MCPH1: variants seen among roughly 807,000 people sequenced by gnomAD.
MCPH1 encodes the protein microcephalin.
A neutral mutation model predicts 84.5 loss-of-function variants in MCPH1; 104 were observed. That is an observed-to-expected ratio of 1.23 (90% CI 1.05 to 1.45). The LOEUF (loss-of-function observed/expected upper bound fraction) is 1.45. MCPH1 is among the 40% of genes most tolerant of loss of function. The pLI is 0.00. For missense variants in MCPH1, 1,498 were observed against 1,005.7 expected, an observed-to-expected ratio of 1.49 and a Z score of -6.62; for synonymous variants, 514 against 366.8, an observed-to-expected ratio of 1.40 and a Z score of -4.58.
chr8:6,416,972 C>T (rs2440435), intron 3 of MCPH1, among the ~76,000 whole-genome samples: 147,577 of 151,708 alleles, frequency 0.97, 71,902 homozygotes, highest in East Asian at 1. Flanking sequence ...TTAGCCTGGG[C>T]GACAAGAGCG....
intron 12 of MCPH1, among the ~76,000 whole-genome samples, chr8:6,532,932 T>C (rs866204176): frequency 2.0e-5 from 3 of 152,308 alleles, no homozygotes; most frequent in African/African-American, 7.2e-5. Flanking sequence ...ACTTTTGGTT[T>C]CTCCACATAG....
intron 12 of MCPH1, among the ~76,000 whole-genome samples, chr8:6,619,829 C>A (rs996714268): frequency 2.0e-5 from 3 of 152,006 alleles, no homozygotes; most frequent in African/African-American, 7.3e-5. Flanking sequence ...TGTGACCTGC[C>A]CGCCTCAGCC....
chr8:6,561,737 G>A (rs78261552), intron 12 of MCPH1, among the ~76,000 whole-genome samples: 8,755 of 152,206 alleles, frequency 0.058, 739 homozygotes, highest in African/African-American at 0.18. Context: ...GAAAATTCCA[G>A]GTTCGTTTTG....
At position 6,621,839 on chromosome 8, in the gene MCPH1, C is replaced by G. The variant is rs890223; in HGVS notation, c.2452+148C>G. 10,572 of 1,048,600 alleles carry G rather than the reference C, an allele frequency of 0.01. 718 individuals carry two copies. In the African/African-American group the frequency reaches 0.15, roughly 14 times the overall value. The allele number at this position is 1,048,600 out of a possible 1,614,324, so 65.0% of individuals were successfully genotyped here. A position where few individuals can be genotyped will look rare whatever the true frequency, so the allele number is the denominator to read the frequency against. ...CCTCCAGCATCTGCCCTGGCAGCGT[C>G]GTGTGGTCACCCTCGGCATTCCCGC... is the stretch of plus-strand genomic sequence containing the variant. On this transcript the variant is annotated intron_variant, in intron 13 of 13. Transcript: ENST00000344683.
intron 1 of MCPH1, among the ~76,000 whole-genome samples, chr8:6,409,073 G>C (rs908710045): frequency 1.3e-5 from 2 of 152,054 alleles, no homozygotes; most frequent in Non-Finnish European, 2.9e-5. Flanking sequence ...TTTTAGTAGA[G>C]ATGGTTTTTC....
chr8:6,422,427 G>A (rs1800344635), intron 3 of MCPH1, among the ~76,000 whole-genome samples: 1 of 152,192 alleles, frequency 6.6e-6, no homozygotes, highest in South Asian at 2.1e-4. Flanking sequence ...TGAAGTAAAT[G>A]GAGATGCATG....
chr8:6,596,412 T>C (rs145357087), intron 12 of MCPH1, among the ~76,000 whole-genome samples: 86 of 152,308 alleles, frequency 5.6e-4, no homozygotes, highest in African/African-American at 2.0e-3. Flanking sequence ...AAGGAATTTT[T>C]CTGCTAAGGG....
rs1220399973 is a variant in MCPH1, at chr8:6,444,962, G to A, written c.1240G>A (p.Asp414Asn). 1.9e-6 allele frequency: 3 copies of A among 1,614,184 alleles called. No homozygotes were observed. Among genetic ancestry groups the A allele is most frequent in the African/African-American group, 2.7e-5 (2 of 75,042 alleles). The change falls in exon 8 of 14, where the codon GAC becomes AAC. Residue 414 changes from aspartate (D) to asparagine (N), a missense_variant. Asp to Asn is a conservative substitution (Grantham distance 23). Coordinates refer to ENST00000344683, the MANE Select transcript of MCPH1 (RefSeq NM_024596.5). ...TAGCTGTGGGGAGTCTTCATATGAT[G>A]ACTATTTTTCACCTGATAATCTTAA... ...ALSCGESSYD[D>N]YFSPDNLKER...
chr8:6,607,224 T>C (rs1014731874), intron 12 of MCPH1, among the ~76,000 whole-genome samples: 2 of 152,184 alleles, frequency 1.3e-5, no homozygotes, highest in African/African-American at 2.4e-5. Context: ...GGAACATCCT[T>C]GTCTCTGAAG....
At chr8:6,437,038 TC>T (rs1431001873) in intron 5 of MCPH1, among the ~76,000 whole-genome samples, 1 of 152,194 alleles carries the variant, frequency 6.6e-6, no homozygotes, top group African/African-American at 2.4e-5. Flanking sequence ...TTTGCCTTTT[TC>T]ACTGTCGTCT....
chr8:6,503,687 A>AT (rs1327714781), intron 12 of MCPH1, among the ~76,000 whole-genome samples: 2 of 152,130 alleles, frequency 1.3e-5, no homozygotes, highest in Non-Finnish European at 2.9e-5. Flanking sequence ...CTATTAAATG[A>AT]TTTTTTCGGT....
chr8:6,498,718 T>C (rs1975616), intron 11 of MCPH1, among the ~76,000 whole-genome samples: 51,612 of 152,008 alleles, frequency 0.34, 9,118 homozygotes, highest in Middle Eastern at 0.47. Context: ...TGAAATGAAC[T>C]TGATTTTAAC....
chr8:6,518,597 A>T (rs1431204754), intron 12 of MCPH1, among the ~76,000 whole-genome samples: 5 of 152,162 alleles, frequency 3.3e-5, no homozygotes, highest in African/African-American at 1.2e-4. Flanking sequence ...TAAAACCCTA[A>T]TGCTTGTATT....
intron 12 of MCPH1, among the ~76,000 whole-genome samples, chr8:6,601,894 G>A (rs1829404458): frequency 6.6e-6 from 1 of 152,078 alleles, no homozygotes. Flanking sequence ...CTCTTTTATG[G>A]TTTCATAGTA....
At chr8:6,586,004 A>T (rs1335540930) in intron 12 of MCPH1, among the ~76,000 whole-genome samples, 1 of 152,206 alleles carries the variant, frequency 6.6e-6, no homozygotes, top group African/African-American at 2.4e-5. Flanking sequence ...TCTGTCACCC[A>T]GGCTGGAGTG....
chr8:6,452,455 A>C (rs1474747642), intron 8 of MCPH1, among the ~76,000 whole-genome samples: 1 of 152,238 alleles, frequency 6.6e-6, no homozygotes, highest in Non-Finnish European at 1.5e-5. Flanking sequence ...AAGTCAATGA[A>C]TTGTGTGTGT....
At chr8:6,492,318 G>A (rs1336649319) in intron 11 of MCPH1, among the ~76,000 whole-genome samples, 1 of 152,062 alleles carries the variant, frequency 6.6e-6, no homozygotes, top group African/African-American at 2.4e-5. Flanking sequence ...ACTTGTTGAT[G>A]GGGTTGTTTT....
intron 12 of MCPH1, among the ~76,000 whole-genome samples, chr8:6,565,846 G>A (rs568014155): frequency 3.9e-5 from 6 of 152,342 alleles, no homozygotes; most frequent in African/African-American, 1.4e-4. Flanking sequence ...TATGCCATGT[G>A]CAGCTGGCAT....
intron 12 of MCPH1, among the ~76,000 whole-genome samples, chr8:6,617,600 G>T (rs1308675724): frequency 6.6e-6 from 1 of 151,850 alleles, no homozygotes; most frequent in African/African-American, 2.4e-5. Context: ...ACGCACTCCT[G>T]TTTCTGGGGT....
Sources: gnomAD v4.1 joint callset for allele counts (sites outside exome capture counted in the v4.1 genomes callset) on GRCh38, gnomAD v4.1.1 for gene constraint, MANE v1.5 for transcripts, NCBI Gene and HGNC (gene_info 2026-07-23, HGNC 2026-07-21) for gene names.